FZD3: variants seen among roughly 807,000 people sequenced by gnomAD.
The protein encoded by FZD3 is frizzled class receptor 3.
In FZD3, 30 loss-of-function variants were observed where a neutral mutation model predicts 60.7. That is an observed-to-expected ratio of 0.49 (90% CI 0.37 to 0.67). The LOEUF is 0.67. Among genes scored for constraint, FZD3 ranks in the 30% least tolerant of loss-of-function variants. The probability of loss-of-function intolerance (pLI) is 0.00; values close to 1 mark genes in which losing one functional copy is unlikely to be tolerated. For synonymous variants in FZD3, 246 were observed against 275.2 expected, an observed-to-expected ratio of 0.89 and a Z score of 1.05; for missense variants, 605 against 838.7, an observed-to-expected ratio of 0.72 and a Z score of 3.44.
intron 5 of FZD3, among the ~76,000 whole-genome samples, chr8:28,538,834 C>A (rs967539397): frequency 6.0e-5 from 9 of 149,250 alleles, no homozygotes; most frequent in African/African-American, 1.5e-4. Flanking sequence ...AATGCAAAAC[C>A]ATTTGTTATA....
chr8:28,545,615 T>C (rs1490752707), intron 5 of FZD3, among the ~76,000 whole-genome samples: 2 of 152,194 alleles, frequency 1.3e-5, no homozygotes, highest in East Asian at 3.9e-4. Context: ...ATCCAGATGA[T>C]TCCAGCCCCA....
chr8:28,526,989 C>T (rs1804729985), intron 4 of FZD3, among the ~76,000 whole-genome samples, 158 bp from the exon 5 acceptor site: 1 of 152,130 alleles, frequency 6.6e-6, no homozygotes, highest in Non-Finnish European at 1.5e-5. Flanking sequence ...TTGTATGGAC[C>T]ACAAACAAGA....
chr8:28,499,231 C>A (rs1288535470), intron 1 of FZD3, among the ~76,000 whole-genome samples: 1 of 152,164 alleles, frequency 6.6e-6, no homozygotes, highest in Non-Finnish European at 1.5e-5. Flanking sequence ...GTTACATGTA[C>A]ATATATATTT....
rs539065008 is a variant in FZD3, at chr8:28,542,269, A to G, written c.1405-9334A>G. Among the ~76,000 whole-genome samples the G allele has an allele frequency of 7.9e-5, 12 of 152,052 alleles. No individual in the cohort carries two copies. The East Asian group carries it at 1.4e-3, about 17-fold the overall frequency. ...AACTTGTTCTGTCAGGATTATTGTT[A>G]TTGCTGTTTCTTCTGCCTAAATCCC... On this transcript the variant is annotated intron_variant, in intron 5 of 7. Coordinates refer to ENST00000240093, the MANE Select transcript of FZD3 (RefSeq NM_017412.4).
Position 28,568,282 on chromosome 8 carries a change from ATTATTC to A in FZD3, c.*5276_*5281del, listed in dbSNP as rs1364928104. 1 of 152,152 alleles carries A rather than the reference ATTATTC, an allele frequency of 6.6e-6. No homozygotes were observed. The highest frequency in any genetic ancestry group is 2.4e-5 in the African/African-American group (1 of 41,440). 9.4% of individuals were successfully genotyped at this position (152,152 alleles called of 1,614,324 possible). A position where few individuals can be genotyped will look rare whatever the true frequency, so the allele number is the denominator to read the frequency against. ...TCCTAGTAGCTGTATAATCTTACACATTATTCTTATATAATTTTGACCTATTTTATA... is the reference window on the plus strand; with the variant it reads ...TCCTAGTAGCTGTATAATCTTACACATTATATAATTTTGACCTATTTTATA... On this transcript the variant is annotated 3_prime_UTR_variant, in exon 8 of 8. Transcript: ENST00000240093.
At chr8:28,532,884 A>G (rs1165472633) in intron 5 of FZD3, among the ~76,000 whole-genome samples, 2 of 152,016 alleles carry the variant, frequency 1.3e-5, no homozygotes, top group Non-Finnish European at 2.9e-5. Context: ...AGAGCTGCCT[A>G]CTCTTGGAAA....
chr8:28,570,227 C>T lies in FZD3; in HGVS notation c.*7216C>T, dbSNP rs995544656. 1 of 152,218 alleles carries T rather than the reference C, an allele frequency of 6.6e-6. No individual in the cohort carries two copies. The highest frequency in any genetic ancestry group is 2.4e-5 in the African/African-American group (1 of 41,436). The allele number at this position is 152,218 out of a possible 1,614,324, so 9.4% of individuals were successfully genotyped here. A position where few individuals can be genotyped will look rare whatever the true frequency, so the allele number is the denominator to read the frequency against. On this transcript the variant is annotated 3_prime_UTR_variant, in exon 8 of 8. Transcript: ENST00000240093. ...GAGATTGAGGCCAGACGCAGTGGCT[C>T]ACGCCTGTAATCCCAGCACTTTGGG...
At position 28,527,043 on chromosome 8, in the gene FZD3, G is replaced by T; in HGVS notation, c.387-104G>T. 1.1e-6 allele frequency: 1 copy of T among 910,070 alleles called. No homozygotes were observed. 56.4% of individuals were successfully genotyped at this position (910,070 alleles called of 1,614,324 possible). The stretch of plus-strand genomic sequence containing the variant: ...TTCTACATATTACATTTGCTCTCCA[G>T]GAATAAATAAGGTTGTGAGTGCCAG... On this transcript the variant is annotated intron_variant, in intron 4 of 7. Coordinates refer to ENST00000240093, the MANE Select transcript of FZD3 (RefSeq NM_017412.4). This position sits in a 1 kb window ranked among gnomAD's most constrained non-coding sequence, Gnocchi z 5.0.
intron 4 of FZD3, among the ~76,000 whole-genome samples, chr8:28,522,832 G>A (rs956530495): frequency 7.1e-6 from 1 of 140,768 alleles, no homozygotes; most frequent in Non-Finnish European, 1.5e-5. Context: ...GTGCAGTGGC[G>A]TGACTTGGCT....
chr8:28,512,827 T>C (rs1013926267), intron 3 of FZD3, among the ~76,000 whole-genome samples: 43 of 152,142 alleles, frequency 2.8e-4, no homozygotes, highest in African/African-American at 8.7e-4. Context: ...ACAAATTTTT[T>C]TACTGTGGTT....
chr8:28,530,910 C>A (rs1228617759), intron 5 of FZD3, among the ~76,000 whole-genome samples: 1 of 152,112 alleles, frequency 6.6e-6, no homozygotes, highest in African/African-American at 2.4e-5. Flanking sequence ...TTTAATACTG[C>A]AACTCTATTT....
chr8:28,566,686 A>G lies in FZD3; in HGVS notation c.*3675A>G, dbSNP rs567988645. On this transcript the variant is annotated 3_prime_UTR_variant, in exon 8 of 8. Transcript: ENST00000240093. ...GCTGGAGCTTAGAAAATATTAACATACCAAAATTTCATTATGATGATATTT... is the reference window on the plus strand; with the variant it reads ...GCTGGAGCTTAGAAAATATTAACATGCCAAAATTTCATTATGATGATATTT... 6.6e-6 allele frequency: 1 copy of G among 152,142 alleles called. No homozygotes were observed. The highest frequency in any genetic ancestry group is 1.5e-5 in the Non-Finnish European group (1 of 68,018). The allele number at this position is 152,142 out of a possible 1,614,324, so 9.4% of individuals were successfully genotyped here. A position where few individuals can be genotyped will look rare whatever the true frequency, so the allele number is the denominator to read the frequency against.
rs893314312 is a variant in FZD3 at position 28,566,172 on chromosome 8, A to G, written c.*3161A>G. 2.0e-5 allele frequency: 3 copies of G among 152,176 alleles called. No individual in the cohort carries two copies. The highest frequency in any genetic ancestry group is 7.2e-5 in the African/African-American group (3 of 41,456). 9.4% of individuals were successfully genotyped at this position (152,176 alleles called of 1,614,324 possible). On this transcript the variant is annotated 3_prime_UTR_variant, in exon 8 of 8. Transcript: ENST00000240093. ...CTGAGTCTCACATCAAAGAAATTTG[A>G]AAGATCTATAACCTATGTGAAATGA...
At chr8:28,501,416 G>T (rs1347101923) in intron 2 of FZD3, among the ~76,000 whole-genome samples, 1 of 152,086 alleles carries the variant, frequency 6.6e-6, no homozygotes, top group Non-Finnish European at 1.5e-5. Context: ...GCAGTTCCAG[G>T]TCCCACAATC....
rs1371961450 is a variant in FZD3, at chr8:28,510,118, G to GTTTTTT, written c.189+6918_189+6923dup. Among the ~76,000 whole-genome samples, 4 of 146,908 alleles carry GTTTTTT rather than the reference G, an allele frequency of 2.7e-5. No homozygotes were observed. In the East Asian group the frequency reaches 6.0e-4, roughly 22 times the overall value. On this transcript the variant is annotated intron_variant, in intron 3 of 7. Transcript: ENST00000240093. Reference sequence around the variant, plus strand: ...GGTATTTTCTGTTTTTTTTGTTTTTGTTTTTTTGTTTTTTGTTTTTAATAA... The same window carrying GTTTTTT: ...GGTATTTTCTGTTTTTTTTGTTTTTGTTTTTTTTTTTTTGTTTTTTGTTTTTAATAA...
chr8:28,555,874 C>G lies in FZD3; in HGVS notation c.1690C>G (p.Gln564Glu), dbSNP rs771010502. Residue 564 changes from glutamine (Q) to glutamate (E), a missense_variant, in exon 7 of 8, where the codon CAG becomes GAG. Physicochemically the swap from Gln to Glu is conservative, Grantham distance 29. Coordinates refer to ENST00000240093, the MANE Select transcript of FZD3 (RefSeq NM_017412.4). ...AACATCCACCCATGCTTCTTCAACT[C>G]AGCTGGCTATGGTGGATGATCAAAG... ...QGTSTHASSTQLAMVDDQRSK... is the reference protein window; with the variant it reads ...QGTSTHASSTELAMVDDQRSK... 1.2e-6 allele frequency: 2 copies of G among 1,613,916 alleles called. No homozygotes were observed. The highest frequency in any genetic ancestry group is 1.7e-6 in the Non-Finnish European group (2 of 1,179,798).
At position 28,571,974 on chromosome 8, in the gene FZD3, G is replaced by A. The variant is rs1024111829; in HGVS notation, c.*8963G>A. On this transcript the variant is annotated 3_prime_UTR_variant, in exon 8 of 8. Transcript: ENST00000240093. The stretch of plus-strand genomic sequence containing the variant: ...TTATGTAAATGTATCATAATTAATA[G>A]TAATTATGAGTTATTTCACTCTCTG... The A allele has an allele frequency of 6.6e-6, 1 of 152,112 alleles. No homozygotes were observed. Among genetic ancestry groups the A allele is most frequent in the South Asian group, 2.1e-4 (1 of 4,830 alleles). 9.4% of individuals were successfully genotyped at this position (152,112 alleles called of 1,614,324 possible). A position where few individuals can be genotyped will look rare whatever the true frequency, so the allele number is the denominator to read the frequency against.
At chr8:28,556,229 T>A (rs1247870364) in intron 7 of FZD3, among the ~76,000 whole-genome samples, 1 of 152,176 alleles carries the variant, frequency 6.6e-6, no homozygotes, top group Non-Finnish European at 1.5e-5. Context: ...TTTAGTAAGA[T>A]TAATTTAGTA....
intron 5 of FZD3, among the ~76,000 whole-genome samples, chr8:28,537,864 C>T (rs1173806571): frequency 6.6e-6 from 1 of 152,084 alleles, no homozygotes; most frequent in African/African-American, 2.4e-5. Context: ...CGCCTGCGAT[C>T]CCAGCACTTT....
Sources: allele counts gnomAD v4.1 joint callset (sites outside exome capture counted in the v4.1 genomes callset), GRCh38; gene constraint gnomAD v4.1.1; non-coding constraint Gnocchi (gnomAD v3.1); transcripts MANE v1.5; gene names NCBI Gene and HGNC (gene_info 2026-07-23, HGNC 2026-07-21).